Variants in GALNT13 observed in about 807,000 individuals in gnomAD.
GALNT13 encodes the protein UDP-GalNAc:polypeptide N-acetylgalactosaminyltransferase 13.
GALNT13 carries 28 observed loss-of-function variants against 64.2 expected under a neutral mutation model. The ratio of observed to expected loss-of-function variants is 0.44; its 90% confidence interval spans 0.32 to 0.60. The LOEUF is 0.60. GALNT13 is among the 20% of genes least tolerant of loss of function. The pLI is 0.05. For synonymous variants in GALNT13, 214 were observed against 224.6 expected (o/e 0.95, Z 0.42); for missense variants, 577 against 669.8 (o/e 0.86, Z 1.53).
chr2:153,347,648 A>G, the GALNT13 span, among the ~76,000 whole-genome samples: 2 of 152,160 alleles, frequency 1.3e-5, no homozygotes, highest in Non-Finnish European at 2.9e-5. Flanking sequence ...GTATACTAGA[A>G]GTCATGGTAA....
intron 3 of GALNT13, among the ~76,000 whole-genome samples, chr2:154,081,686 T>C (rs944829995): frequency 7.9e-5 from 12 of 151,760 alleles, no homozygotes; most frequent in Non-Finnish European, 1.5e-5. Context: ...ACTGAGGAAA[T>C]TCCTATATCT....
At chr2:154,225,556 T>G (rs1316050013) in intron 4 of GALNT13, among the ~76,000 whole-genome samples, 3 of 152,066 alleles carry the variant, frequency 2.0e-5, no homozygotes, top group African/African-American at 7.2e-5. Context: ...AGATATATGT[T>G]AAAGGAAATA....
intron 1 of GALNT13, among the ~76,000 whole-genome samples, chr2:153,882,080 A>T (rs1574034668): frequency 1.3e-5 from 2 of 151,954 alleles, no homozygotes; most frequent in Non-Finnish European, 2.9e-5. Flanking sequence ...TCTCCTGAAA[A>T]CTCATTAAGT....
the GALNT13 span, among the ~76,000 whole-genome samples, chr2:153,491,594 ATATTTATTTATTTATTTATT>A: frequency 3.1e-3 from 451 of 145,450 alleles, 13 homozygotes; most frequent in East Asian, 0.085. Flanking sequence ...AAACCATATT[ATATTTATTTATTTATTTATT>A]TATTTATTTA....
At chr2:154,405,859 A>G (rs1159107263) in intron 10 of GALNT13, among the ~76,000 whole-genome samples, 1 of 152,176 alleles carries the variant, frequency 6.6e-6, no homozygotes, top group Non-Finnish European at 1.5e-5. Flanking sequence ...CCCAAACTTA[A>G]AAGATAAAAA....
chr2:154,159,771 G>A (rs1684628630), intron 4 of GALNT13, among the ~76,000 whole-genome samples: 1 of 152,092 alleles, frequency 6.6e-6, no homozygotes. Flanking sequence ...ACTACAGTGT[G>A]CACTATAACA....
chr2:154,126,205 TA>T (rs1228809270), intron 3 of GALNT13, among the ~76,000 whole-genome samples: 1 of 152,192 alleles, frequency 6.6e-6, no homozygotes, highest in Non-Finnish European at 1.5e-5. Flanking sequence ...AAATGATTAC[TA>T]AAATCATGGA....
intron 9 of GALNT13, among the ~76,000 whole-genome samples, chr2:154,319,850 T>A (rs963042337): frequency 3.3e-5 from 5 of 152,110 alleles, no homozygotes; most frequent in African/African-American, 1.2e-4. Context: ...TTGTAGTAGT[T>A]ATTTTTTCAT....
the GALNT13 span, among the ~76,000 whole-genome samples, chr2:153,721,961 T>C: frequency 6.7e-6 from 1 of 149,194 alleles, no homozygotes; most frequent in Non-Finnish European, 1.5e-5. Context: ...GCGGACCTAA[T>C]AGACATCTAC....
the GALNT13 span, among the ~76,000 whole-genome samples, chr2:153,397,477 G>A: frequency 1.3e-5 from 2 of 152,006 alleles, no homozygotes; most frequent in Non-Finnish European, 2.9e-5. Flanking sequence ...CACAACGTAC[G>A]ATCTGATATT....
chr2:154,136,966 T>C (rs1394478338), intron 3 of GALNT13, among the ~76,000 whole-genome samples: 5 of 152,042 alleles, frequency 3.3e-5, no homozygotes, highest in Admixed American at 1.3e-4. Context: ...GTTTTTTTTT[T>C]CCTCTGACTA....
At chr2:153,683,022 T>G in the GALNT13 span, among the ~76,000 whole-genome samples, 3 of 151,616 alleles carry the variant, frequency 2.0e-5, no homozygotes, top group South Asian at 6.2e-4. Flanking sequence ...GGTGAATGAT[T>G]AGGAAAAAAA....
the GALNT13 span, among the ~76,000 whole-genome samples, chr2:153,162,681 T>A: frequency 6.6e-6 from 1 of 152,202 alleles, no homozygotes; most frequent in Non-Finnish European, 1.5e-5. Context: ...GTTTTTGTAT[T>A]TATATGACGA....
At chr2:153,519,373 TA>T in the GALNT13 span, among the ~76,000 whole-genome samples, 1 of 152,156 alleles carries the variant, frequency 6.6e-6, no homozygotes, top group Admixed American at 6.6e-5. Context: ...CACACCAAGT[TA>T]AAAGGATCAG....
intron 3 of GALNT13, among the ~76,000 whole-genome samples, chr2:153,947,213 G>C (rs1196164749): frequency 6.6e-6 from 1 of 151,992 alleles, no homozygotes; most frequent in Non-Finnish European, 1.5e-5. Context: ...AAATCCTGGG[G>C]ATATAACTGA....
chr2:153,711,144 A>G, the GALNT13 span, among the ~76,000 whole-genome samples: 1 of 152,164 alleles, frequency 6.6e-6, no homozygotes, highest in Non-Finnish European at 1.5e-5. Context: ...AGTTACTACT[A>G]AAGCCAAGTT....
At chr2:153,980,243 C>A (rs558970929) in intron 3 of GALNT13, among the ~76,000 whole-genome samples, 2 of 152,074 alleles carry the variant, frequency 1.3e-5, no homozygotes, top group Non-Finnish European at 2.9e-5. Context: ...ATTCTAAAAG[C>A]AGTGGAGCAC....
the GALNT13 span, among the ~76,000 whole-genome samples, chr2:153,413,124 G>T: frequency 6.6e-6 from 1 of 152,226 alleles, no homozygotes; most frequent in Non-Finnish European, 1.5e-5. Context: ...TGTCTTGAGA[G>T]GAGTAGTGAC....
In GALNT13 at chr2:154,440,317, T is replaced by C. The variant is rs534508734; in HGVS notation, c.1530+1591T>C. On this transcript the variant is annotated intron_variant, in intron 12 of 12. Transcript: ENST00000392825. ...TAATCTTTAAACTTTTCCATAACTC[T>C]TGAGTGAACAATGTCATAACTCAAA... 2.0e-5 allele frequency among the ~76,000 whole-genome samples: 3 copies of C among 152,282 alleles called. No individual in the cohort carries two copies. The East Asian group carries it at 5.8e-4, about 29-fold the overall frequency.
Sources: gnomAD v4.1 joint callset for allele counts (sites outside exome capture counted in the v4.1 genomes callset) on GRCh38, gnomAD v4.1.1 for gene constraint, MANE v1.5 for transcripts, NCBI Gene and HGNC (gene_info 2026-07-23, HGNC 2026-07-21) for gene names.